Variants in CWH43 observed in about 807,000 individuals in gnomAD.
CWH43 encodes the protein cell wall biogenesis 43 C-terminal homolog.
Under a neutral mutation model 85.7 loss-of-function variants are expected in CWH43, and 91 were observed. The ratio of observed to expected loss-of-function variants is 1.06; its 90% CI spans 0.90 to 1.26. CWH43 has a LOEUF of 1.26. Ranked by LOEUF, CWH43 falls within the 50% of genes most tolerant of loss-of-function variation. CWH43 has a pLI of 0.00. For synonymous variants in CWH43, 323 were observed against 293.6 expected (o/e 1.10, Z -1.02); for missense variants, 869 against 839.2 (o/e 1.04, Z -0.44).
chr4:49,040,684 T>G (rs1027248595), intron 13 of CWH43, among the ~76,000 whole-genome samples: 1 of 152,234 alleles, frequency 6.6e-6, no homozygotes, highest in Non-Finnish European at 1.5e-5. Context: ...TTTCTCCCAT[T>G]CTGTAGGTTG....
chr4:49,017,448 T>A, intron 9 of CWH43, 120 bp downstream of exon 9: 3 of 631,776 alleles, frequency 4.7e-6, no homozygotes, highest in Non-Finnish European at 8.0e-6. Flanking sequence ...GGGCCCTATC[T>A]CCTTAACCCT....
intron 9 of CWH43, among the ~76,000 whole-genome samples, chr4:49,023,704 C>T (rs115040028): frequency 0.041 from 6,294 of 152,112 alleles, 441 homozygotes; most frequent in African/African-American, 0.14. Context: ...CATTGTGGTC[C>T]GAGAGATAGT....
At chr4:49,055,911 T>A (rs1469216453) in intron 15 of CWH43, among the ~76,000 whole-genome samples, 2 of 92,762 alleles carry the variant, frequency 2.2e-5, no homozygotes, top group East Asian at 2.3e-4. Flanking sequence ...TTTTCTTTTT[T>A]TCTTTTTTTT....
chr4:48,998,581 C>G (rs768284538), intron 6 of CWH43, 33 bp downstream of exon 6: 1 of 1,479,860 alleles, frequency 6.8e-7, no homozygotes. Flanking sequence ...TAGAACACGA[C>G]TGAGCTTGGT....
At chr4:49,059,164 G>T (rs891789613) in intron 15 of CWH43, among the ~76,000 whole-genome samples, 13 of 151,832 alleles carry the variant, frequency 8.6e-5, no homozygotes, top group African/African-American at 3.1e-4. Flanking sequence ...TTTTTTCTAT[G>T]ACTCTGGTTG....
chr4:48,991,528 C>G lies in CWH43; in HGVS notation c.310C>G (p.Leu104Val). The change falls in exon 3 of 16, where the codon CTG becomes GTG. Residue 104 changes from leucine (L) to valine (V), a missense_variant. Coordinates refer to ENST00000226432, the MANE Select transcript of CWH43 (RefSeq NM_025087.3). Reference protein sequence around the residue: ...MVLALGVSSSLIVQAVTWWSG... With the variant: ...MVLALGVSSSVIVQAVTWWSG... ...TCTTGCGCTTGGGGTGTCTTCCTCACTGATAGTGCAAGCTGTGACTTGGTG... is the reference window on the plus strand; with the variant it reads ...TCTTGCGCTTGGGGTGTCTTCCTCAGTGATAGTGCAAGCTGTGACTTGGTG... 3.1e-6 allele frequency: 5 copies of G among 1,614,026 alleles called. No individual in the cohort carries two copies. Among genetic ancestry groups the G allele is most frequent in the Non-Finnish European group, 4.2e-6 (5 of 1,179,978 alleles).
At chr4:49,061,705 T>G in intron 15 of CWH43, 107 bp from the exon 16 acceptor site, 2 of 983,452 alleles carry the variant, frequency 2.0e-6, no homozygotes, top group Non-Finnish European at 2.7e-6. Flanking sequence ...TCTTTTTTAT[T>G]TATTCATTTG....
At chr4:49,041,667 G>A (rs1417512303) in intron 13 of CWH43, among the ~76,000 whole-genome samples, 1 of 152,156 alleles carries the variant, frequency 6.6e-6, no homozygotes, top group Non-Finnish European at 1.5e-5. Flanking sequence ...GTGTGGGCAG[G>A]TGAATCAGCA....
intron 13 of CWH43, among the ~76,000 whole-genome samples, chr4:49,043,098 C>A (rs1705549514): frequency 1.3e-5 from 2 of 152,196 alleles, no homozygotes; most frequent in South Asian, 4.2e-4. Context: ...GCTGTGTGAC[C>A]TTGGGGAAAG....
chr4:48,998,481 G>A lies in CWH43; in HGVS notation c.735G>A (p.Leu245=). ...ACAGAGGTGCAGTACTGCTGTGCTTGGCAAGTGGATTGATGCTTCCATCTT... is the reference window on the plus strand; with the variant it reads ...ACAGAGGTGCAGTACTGCTGTGCTTAGCAAGTGGATTGATGCTTCCATCTT... ...NPFGGAVLLC[L]ASGLMLPSCL... The change falls in exon 6 of 16, where the codon TTG becomes TTA. Residue 245 remains leucine, a synonymous_variant. Coordinates refer to ENST00000226432, the MANE Select transcript of CWH43 (RefSeq NM_025087.3). 1.2e-6 allele frequency: 2 copies of A among 1,613,844 alleles called. No individual in the cohort carries two copies. The highest frequency in any genetic ancestry group is 1.7e-6 in the Non-Finnish European group (2 of 1,179,764).
chr4:49,037,666 G>A (rs1228413890), intron 12 of CWH43, among the ~76,000 whole-genome samples: 2 of 152,044 alleles, frequency 1.3e-5, no homozygotes, highest in African/African-American at 4.8e-5. Flanking sequence ...AGTATTCCTG[G>A]CTCTTTTTAC....
At chr4:48,993,929 T>G (rs1377625994) in intron 4 of CWH43, among the ~76,000 whole-genome samples, 1 of 151,958 alleles carries the variant, frequency 6.6e-6, no homozygotes, top group Admixed American at 6.6e-5. Context: ...TAACTTTTTT[T>G]TTTTGTATTT....
intron 8 of CWH43, among the ~76,000 whole-genome samples, chr4:49,013,854 A>C (rs1284884292): frequency 2.6e-5 from 4 of 152,152 alleles, no homozygotes; most frequent in Non-Finnish European, 5.9e-5. Flanking sequence ...AAAATCTCAA[A>C]CATGAAATTA....
chr4:49,013,654 A>G (rs1158738762), intron 8 of CWH43, among the ~76,000 whole-genome samples: 1 of 152,194 alleles, frequency 6.6e-6, no homozygotes, highest in Admixed American at 6.5e-5. Context: ...ACTTTAAAGC[A>G]AATCTCTGAT....
At chr4:49,006,592 T>A (rs1443116897) in intron 7 of CWH43, among the ~76,000 whole-genome samples, 1 of 152,248 alleles carries the variant, frequency 6.6e-6, no homozygotes, top group Non-Finnish European at 1.5e-5. Context: ...AGCATATCTC[T>A]GTTTCCATTC....
chr4:49,006,662 T>TTA (rs1783167003), intron 7 of CWH43, among the ~76,000 whole-genome samples: 1 of 152,208 alleles, frequency 6.6e-6, no homozygotes, highest in Non-Finnish European at 1.5e-5. Context: ...GTTTGTTGCA[T>TTA]ATCCCAATTT....
chr4:49,013,311 G>T (rs772254675), intron 8 of CWH43, among the ~76,000 whole-genome samples: 13 of 152,256 alleles, frequency 8.5e-5, no homozygotes, highest in Non-Finnish European at 1.9e-4. Flanking sequence ...GCACAGGATG[G>T]TATCTCCTGT....
intron 14 of CWH43, among the ~76,000 whole-genome samples, chr4:49,046,446 A>G (rs1784626471): frequency 6.6e-6 from 1 of 152,356 alleles, no homozygotes; most frequent in African/African-American, 2.4e-5. Flanking sequence ...TAGAACTTAC[A>G]TCGCAGTGGA....
intron 2 of CWH43, among the ~76,000 whole-genome samples, chr4:48,989,708 G>C (rs909711193): frequency 6.6e-6 from 1 of 152,188 alleles, no homozygotes; most frequent in Admixed American, 6.5e-5. Context: ...ATAGGTGTGA[G>C]CCACTGCTCA....
Sources: allele counts gnomAD v4.1 joint callset (sites outside exome capture counted in the v4.1 genomes callset), GRCh38; gene constraint gnomAD v4.1.1; transcripts MANE v1.5; gene names NCBI Gene and HGNC (gene_info 2026-07-23, HGNC 2026-07-21).